The following HFM1 variants were observed in gnomAD, a reference collection of about 807,000 sequenced individuals.
HFM1 encodes the protein probable ATP-dependent DNA helicase HFM1.
A neutral mutation model predicts 192.1 loss-of-function variants in HFM1; 169 were observed. The observed-to-expected ratio is 0.88, with a 90% CI of 0.78 to 1.00. The LOEUF is 1.00. Among genes scored for constraint, HFM1 ranks in the 50% least tolerant of loss-of-function variants. HFM1 has a pLI of 0.00. For missense variants in HFM1, 1,661 were observed against 1,668.0 expected (o/e 1.00, Z 0.07); for synonymous variants, 525 against 537.8 (o/e 0.98, Z 0.33).
chr1:91,325,461 G>A (rs1652759278), intron 20 of HFM1, among the ~76,000 whole-genome samples: 2 of 152,296 alleles, frequency 1.3e-5, no homozygotes, highest in South Asian at 2.1e-4. Flanking sequence ...CACAGAGAGA[G>A]AGAATCTGTA....
At chr1:91,349,298 A>T (rs569067201) in intron 18 of HFM1, among the ~76,000 whole-genome samples, 68 of 146,252 alleles carry the variant, frequency 4.6e-4, no homozygotes, top group African/African-American at 1.6e-3. Flanking sequence ...AAAAAAAAAA[A>T]ATGCCCAGAA....
intron 30 of HFM1, among the ~76,000 whole-genome samples, chr1:91,302,022 T>A (rs1324114307): frequency 1.4e-4 from 15 of 106,416 alleles, no homozygotes; most frequent in Non-Finnish European, 2.8e-4. Context: ...ATTTTTGCAA[T>A]CTACTCATCT....
chr1:91,363,661 T>G (rs953113318), intron 13 of HFM1, among the ~76,000 whole-genome samples: 4 of 152,166 alleles, frequency 2.6e-5, no homozygotes, highest in African/African-American at 9.6e-5. Context: ...GAAATACCAT[T>G]TGACCTAGCA....
At chr1:91,298,616 G>C (rs940591460) in intron 30 of HFM1, among the ~76,000 whole-genome samples, 1 of 152,174 alleles carries the variant, frequency 6.6e-6, no homozygotes, top group Middle Eastern at 3.2e-3. Flanking sequence ...AACCAGAAGA[G>C]AGTGGGGGCA....
intron 33 of HFM1, among the ~76,000 whole-genome samples, chr1:91,274,049 C>T (rs934904929): frequency 6.6e-6 from 1 of 152,076 alleles, no homozygotes; most frequent in Admixed American, 6.6e-5. Flanking sequence ...GTACTGCTGG[C>T]ATCTATTCTG....
intron 21 of HFM1, among the ~76,000 whole-genome samples, chr1:91,323,592 T>C (rs1433832032): frequency 6.6e-6 from 1 of 152,204 alleles, no homozygotes; most frequent in Non-Finnish European, 1.5e-5. Context: ...AGTTTGCAAA[T>C]CATTATCTCA....
chr1:91,380,650 T>C (rs1317644357), intron 7 of HFM1, among the ~76,000 whole-genome samples: 3 of 152,132 alleles, frequency 2.0e-5, no homozygotes, highest in African/African-American at 7.2e-5. Flanking sequence ...GTTACTTGGG[T>C]GGCTGAGGCA....
intron 20 of HFM1, among the ~76,000 whole-genome samples, chr1:91,340,973 T>TA: frequency 6.6e-6 from 1 of 152,250 alleles, no homozygotes; most frequent in East Asian, 1.9e-4. Context: ...CAAAGAGACT[T>TA]AGATACCTAC....
intron 30 of HFM1, among the ~76,000 whole-genome samples, 197 bp downstream of exon 30, chr1:91,313,152 C>A (rs1366063591): frequency 6.6e-6 from 1 of 152,028 alleles, no homozygotes; most frequent in African/African-American, 2.4e-5. Flanking sequence ...AAAAATTTGT[C>A]CCCCAACCAT....
intron 25 of HFM1, among the ~76,000 whole-genome samples, chr1:91,318,083 T>C (rs1651524995): frequency 6.6e-6 from 1 of 152,136 alleles, no homozygotes; most frequent in South Asian, 2.1e-4. Context: ...ATTTTCTAAA[T>C]GTTGTATGGA....
chr1:91,305,981 T>A (rs1429652105), intron 30 of HFM1, among the ~76,000 whole-genome samples: 1 of 152,178 alleles, frequency 6.6e-6, no homozygotes, highest in Non-Finnish European at 1.5e-5. Flanking sequence ...TAGGAAAGTG[T>A]TTAATATTTT....
chr1:91,328,781 A>C, intron 20 of HFM1: 1 of 1,611,090 alleles, frequency 6.2e-7, no homozygotes, highest in Non-Finnish European at 8.5e-7. Context: ...GGTGAAGGTC[A>C]CTAAGCAGCA....
chr1:91,295,927 A>C lies in HFM1; in HGVS notation c.3391+17422T>G, dbSNP rs373651105. Among the ~76,000 whole-genome samples, 24 of 152,010 alleles carry C rather than the reference A, an allele frequency of 1.6e-4. No individual in the cohort carries two copies. The South Asian group carries it at 2.7e-3, about 17-fold the overall frequency. On this transcript the variant is annotated intron_variant, in intron 30 of 38. Transcript: ENST00000370425. ...CAGTGTGAGGTCAGAGTTGACATAC[A>C]ATTTTTTCTTTCTTTTTTTTTGAGA...
intron 19 of HFM1, among the ~76,000 whole-genome samples, chr1:91,344,249 T>C (rs551354537): frequency 2.6e-4 from 40 of 152,280 alleles, no homozygotes; most frequent in African/African-American, 9.1e-4. Context: ...ATAAGATAGT[T>C]CAGAGCAGAC....
intron 4 of HFM1, among the ~76,000 whole-genome samples, chr1:91,390,796 G>C (rs1425405789): frequency 1.3e-5 from 2 of 152,140 alleles, no homozygotes; most frequent in Non-Finnish European, 2.9e-5. Context: ...ATTCAATTAG[G>C]AAAAGAGGAA....
At chr1:91,295,422 C>G (rs929677877) in intron 30 of HFM1, among the ~76,000 whole-genome samples, 1 of 152,168 alleles carries the variant, frequency 6.6e-6, no homozygotes, top group African/African-American at 2.4e-5. Flanking sequence ...GTGAATGGCT[C>G]TCTCTCATTG....
chr1:91,262,607 T>TA lies in HFM1; in HGVS notation c.3975-16dup, dbSNP rs757527550. On this transcript the variant is annotated splice_polypyrimidine_tract_variant and intron_variant, in intron 36 of 38. Transcript: ENST00000370425. Reference sequence around the variant, plus strand: ...ATGAAACAAAACTAAAAATTAAAATTAATTATTTGTAAAATACGGCAAACA... The same window carrying TA: ...ATGAAACAAAACTAAAAATTAAAATTAAATTATTTGTAAAATACGGCAAACA... 1.2e-5 allele frequency: 17 copies of TA among 1,416,310 alleles called. 1 individual carries two copies. In the South Asian group the frequency reaches 2.1e-4, roughly 18 times the overall value. 87.7% of individuals were successfully genotyped at this position (1,416,310 alleles called of 1,614,324 possible). A position where few individuals can be genotyped will look rare whatever the true frequency, so the allele number is the denominator to read the frequency against.
chr1:91,337,327 T>C (rs1654735095), intron 20 of HFM1, among the ~76,000 whole-genome samples: 2 of 152,094 alleles, frequency 1.3e-5, no homozygotes, highest in Non-Finnish European at 2.9e-5. Context: ...TGAAAATACC[T>C]AGATACTTGA....
At chr1:91,396,782 G>A (rs756866567) in intron 2 of HFM1, among the ~76,000 whole-genome samples, 14 of 152,084 alleles carry the variant, frequency 9.2e-5, no homozygotes, top group Non-Finnish European at 1.6e-4. Flanking sequence ...AACTAATCAC[G>A]GGTCATCAAT....
Sources: gnomAD v4.1 joint callset for allele counts (sites outside exome capture counted in the v4.1 genomes callset) on GRCh38, gnomAD v4.1.1 for gene constraint, MANE v1.5 for transcripts, NCBI Gene and HGNC (gene_info 2026-07-23, HGNC 2026-07-21) for gene names.